The following RAP1GAP2 variants were observed in gnomAD, a reference collection of about 807,000 sequenced individuals.
The protein encoded by RAP1GAP2 is rap1 GTPase-activating protein 2.
Under a neutral mutation model 95.0 loss-of-function variants are expected in RAP1GAP2, and 27 were observed. The observed-to-expected ratio is 0.28, with a 90% CI of 0.21 to 0.39. The LOEUF is 0.39. RAP1GAP2 is among the 10% of genes least tolerant of loss of function. RAP1GAP2 has a pLI of 1.00. For missense variants in RAP1GAP2, 771 were observed against 970.0 expected, an observed-to-expected ratio of 0.79 and a Z score of 2.72; for synonymous variants, 373 against 380.9, an observed-to-expected ratio of 0.98 and a Z score of 0.24.
At chr17:2,874,767 C>G (rs1380922092) in intron 2 of RAP1GAP2, among the ~76,000 whole-genome samples, 1 of 152,162 alleles carries the variant, frequency 6.6e-6, no homozygotes, top group African/African-American at 2.4e-5. Flanking sequence ...GCTCTCTGCT[C>G]TCCTGTATAG....
rs376233735 is a variant in RAP1GAP2 at position 2,827,195 on chromosome 17, G to A, written c.80+26645G>A. ...GGTGCGTTTGAGGAGCTTGTGGATC[G>A]TCCCAGGGGTGTGTGTGGTTGGGCT... On this transcript the variant is annotated intron_variant, in intron 2 of 24. Transcript: ENST00000254695. The surrounding 1 kb of genome is among the most constrained non-coding windows in gnomAD (Gnocchi z 4.1). Among the ~76,000 whole-genome samples, 1 of 152,142 alleles carries A rather than the reference G, an allele frequency of 6.6e-6. No individual in the cohort carries two copies. The highest frequency in any genetic ancestry group is 6.6e-5 in the Admixed American group (1 of 15,260).
intron 8 of RAP1GAP2, among the ~76,000 whole-genome samples, chr17:2,971,413 T>C (rs2044861852): frequency 6.6e-6 from 1 of 152,146 alleles, no homozygotes; most frequent in South Asian, 2.1e-4. Context: ...GAAAAAAATT[T>C]ATTACCTTAA....
At chr17:2,836,150 G>A (rs575257663) in intron 2 of RAP1GAP2, among the ~76,000 whole-genome samples, 104 of 152,118 alleles carry the variant, frequency 6.8e-4, no homozygotes, top group African/African-American at 2.4e-3. Flanking sequence ...TGGTGTGGTC[G>A]TCCCCCTTGC....
chr17:2,855,692 A>T lies in RAP1GAP2; in HGVS notation c.81-49592A>T, dbSNP rs2072104460. Among the ~76,000 whole-genome samples, 1 of 152,136 alleles carries T rather than the reference A, an allele frequency of 6.6e-6. No homozygotes were observed. Among genetic ancestry groups the T allele is most frequent in the Non-Finnish European group, 1.5e-5 (1 of 68,024 alleles). On this transcript the variant is annotated intron_variant, in intron 2 of 24. Transcript: ENST00000254695. This position sits in a 1 kb window ranked among gnomAD's most constrained non-coding sequence, Gnocchi z 4.3. ...CAGTGGCGCCATCTCGGCCCACTGC[A>T]ACCTCCACCTCCTGGGCTCAAACAA...
chr17:2,881,716 G>T (rs1022648973), intron 2 of RAP1GAP2, among the ~76,000 whole-genome samples: 14 of 151,994 alleles, frequency 9.2e-5, no homozygotes, highest in Admixed American at 4.6e-4. Flanking sequence ...TTCAACAATG[G>T]GCTACAGTTT....
At chr17:2,901,148 C>T (rs1320730892) in intron 2 of RAP1GAP2, among the ~76,000 whole-genome samples, 1 of 152,180 alleles carries the variant, frequency 6.6e-6, no homozygotes, top group Non-Finnish European at 1.5e-5. Context: ...GCGTCCTGGT[C>T]TCCCTGAGCC....
At chr17:3,013,241 CT>C (rs2046625242) in intron 17 of RAP1GAP2, among the ~76,000 whole-genome samples, 1 of 152,180 alleles carries the variant, frequency 6.6e-6, no homozygotes, top group Non-Finnish European at 1.5e-5. Context: ...GCCGGTCCCC[CT>C]AGCAGTGCCA....
chr17:3,015,594 G>A (rs1026809395), intron 17 of RAP1GAP2, among the ~76,000 whole-genome samples: 2 of 152,102 alleles, frequency 1.3e-5, no homozygotes, highest in African/African-American at 2.4e-5. Flanking sequence ...TGAGGCAGGT[G>A]GATCACGAGG....
intron 2 of RAP1GAP2, among the ~76,000 whole-genome samples, chr17:2,897,414 C>T (rs2041870293): frequency 6.7e-6 from 1 of 149,730 alleles, no homozygotes. Flanking sequence ...CTCCTGGAGA[C>T]TTTTTTTTTT....
At chr17:2,914,807 T>A (rs867351938) in intron 3 of RAP1GAP2, among the ~76,000 whole-genome samples, 74 of 146,170 alleles carry the variant, frequency 5.1e-4, no homozygotes, top group African/African-American at 1.7e-3. Flanking sequence ...TTTTTTTTTT[T>A]TTGAGACGGA....
chr17:3,006,936 C>G (rs997872882), intron 16 of RAP1GAP2, among the ~76,000 whole-genome samples: 7 of 152,146 alleles, frequency 4.6e-5, no homozygotes. Flanking sequence ...CAGATAGTGA[C>G]TGTTTCTGCC....
intron 1 of RAP1GAP2, among the ~76,000 whole-genome samples, chr17:2,798,514 G>A (rs778717645): frequency 3.9e-5 from 6 of 152,174 alleles, no homozygotes; most frequent in Non-Finnish European, 5.9e-5. Context: ...TGTCAGCTGG[G>A]AGGGGGTGTC....
chr17:3,011,294 A>G (rs1181430039), intron 17 of RAP1GAP2, among the ~76,000 whole-genome samples: 1 of 151,942 alleles, frequency 6.6e-6, no homozygotes, highest in Non-Finnish European at 1.5e-5. Flanking sequence ...CCCTTTCGTC[A>G]TTGCCCTCAC....
At chr17:2,802,382 C>A (rs756949621) in intron 2 of RAP1GAP2, among the ~76,000 whole-genome samples, 1 of 152,182 alleles carries the variant, frequency 6.6e-6, no homozygotes, top group Non-Finnish European at 1.5e-5. Context: ...CAGACTTTTC[C>A]TGCCCTTCAA....
At chr17:2,810,888 G>A (rs935087153) in intron 2 of RAP1GAP2, among the ~76,000 whole-genome samples, 1 of 152,042 alleles carries the variant, frequency 6.6e-6, no homozygotes. Context: ...AGTCACCCAG[G>A]CTGAGCTTGG....
chr17:3,020,879 C>G (rs1174796398), intron 19 of RAP1GAP2, among the ~76,000 whole-genome samples: 1 of 152,208 alleles, frequency 6.6e-6, no homozygotes, highest in Non-Finnish European at 1.5e-5. Context: ...CCTCCTTTTT[C>G]AACGCTCACT....
intron 3 of RAP1GAP2, among the ~76,000 whole-genome samples, chr17:2,909,140 G>C (rs1210269428): frequency 1.3e-5 from 2 of 152,312 alleles, no homozygotes; most frequent in East Asian, 3.9e-4. Context: ...TCTCCAGGGA[G>C]AGGATAGAGC....
intron 1 of RAP1GAP2, among the ~76,000 whole-genome samples, chr17:2,798,539 C>G (rs866199757): frequency 1.3e-5 from 2 of 151,944 alleles, no homozygotes; most frequent in African/African-American, 4.8e-5. Context: ...ATTCCTGGAG[C>G]CCTGGTCCCT....
chr17:2,850,889 C>T (rs757531926), intron 2 of RAP1GAP2, among the ~76,000 whole-genome samples: 18 of 152,008 alleles, frequency 1.2e-4, no homozygotes, highest in African/African-American at 3.1e-4. Flanking sequence ...GGCGAAACCC[C>T]GTCTCTACTA....
Sources: allele counts gnomAD v4.1 joint callset (sites outside exome capture counted in the v4.1 genomes callset), GRCh38; gene constraint gnomAD v4.1.1; non-coding constraint Gnocchi (gnomAD v3.1); transcripts MANE v1.5; gene names NCBI Gene and HGNC (gene_info 2026-07-23, HGNC 2026-07-21).